The following BICRA variants were observed in gnomAD, a reference collection of about 807,000 sequenced individuals.
The protein encoded by BICRA is BRD4-interacting chromatin-remodeling complex-associated protein.
In BICRA, 31 loss-of-function variants were observed where a neutral mutation model predicts 96.9. The ratio of observed to expected loss-of-function variants is 0.32; its 90% CI spans 0.24 to 0.43. The LOEUF is 0.43. BICRA is among the 20% of genes least tolerant of loss of function. The probability of loss-of-function intolerance (pLI) is 1.00; values close to 1 mark genes in which losing one functional copy is unlikely to be tolerated. For synonymous variants in BICRA, 1,350 were observed against 1,071.8 expected, an observed-to-expected ratio of 1.26 and a Z score of -5.07; for missense variants, 2,283 against 2,190.3, an observed-to-expected ratio of 1.04 and a Z score of -0.84.
intron 1 of BICRA, among the ~76,000 whole-genome samples, chr19:47,612,202 C>G (rs976256072): frequency 6.6e-6 from 1 of 151,950 alleles, no homozygotes; most frequent in Non-Finnish European, 1.5e-5. Flanking sequence ...ATTGCTTGAG[C>G]CCTGGATTTT....
chr19:47,632,446 GC>G (rs1447657514), intron 1 of BICRA, among the ~76,000 whole-genome samples: 1 of 152,234 alleles, frequency 6.6e-6, no homozygotes, highest in Non-Finnish European at 1.5e-5. Flanking sequence ...TTTCAGAGAG[GC>G]CATAAAAAGG....
At chr19:47,608,570 C>A (rs998760212), upstream of BICRA, 1 of 152,166 alleles carries the variant, frequency 6.6e-6, no homozygotes, top group Non-Finnish European at 1.5e-5. Flanking sequence ...GAGCGCGGAT[C>A]CCTTCAGCTC....
chr19:47,680,650 G>A lies in BICRA; in HGVS notation c.1480G>A (p.Gly494Ser), dbSNP rs2087587754. ...QQLSALPANV[G>S]GQILAAAAPH... ...GCTCTCAGCCCTGCCGGCCAACGTG[G>A]GCGGGCAGATCCTGGCGGCCGCTGC... The change falls in exon 6 of 15, where the codon GGC becomes AGC. Residue 494 changes from glycine (G) to serine (S), a missense_variant. By Grantham distance (56) the Gly-to-Ser change is moderately conservative (BLOSUM62 0). Coordinates refer to ENST00000594866, the MANE Select transcript of BICRA (RefSeq NM_001394372.1). 1 of 1,608,674 alleles carries A rather than the reference G, an allele frequency of 6.2e-7. No homozygotes were observed. The highest frequency in any genetic ancestry group is 1.3e-5 in the African/African-American group (1 of 74,748).
chr19:47,678,641 C>T (rs375178342), intron 5 of BICRA, among the ~76,000 whole-genome samples: 4 of 152,088 alleles, frequency 2.6e-5, no homozygotes, highest in Middle Eastern at 3.4e-3. Context: ...CATAGCTCAC[C>T]GTAGCCTGGA....
intron 7 of BICRA, among the ~76,000 whole-genome samples, chr19:47,685,912 T>A (rs1973150590): frequency 6.6e-6 from 1 of 152,110 alleles, no homozygotes; most frequent in African/African-American, 2.4e-5. Flanking sequence ...TCAGACCTTT[T>A]TTTTTCCTTG....
Position 47,609,151 on chromosome 19 carries a change from G to C in BICRA, c.-125G>C, listed in dbSNP as rs908246862. ...GCCGTCTCGGAGACCCCGCGCCGAC[G>C]GCTGCTCAAACATCAGGGTGAGTTT... On this transcript the variant is annotated 5_prime_UTR_variant, in exon 1 of 15. Coordinates refer to ENST00000594866, the MANE Select transcript of BICRA (RefSeq NM_001394372.1). 1.3e-5 allele frequency: 2 copies of C among 149,732 alleles called. No homozygotes were observed. Among genetic ancestry groups the C allele is most frequent in the African/African-American group, 2.4e-5 (1 of 41,116 alleles). The allele number at this position is 149,732 out of a possible 1,614,324, so 9.3% of individuals were successfully genotyped here.
At chr19:47,683,965 T>C (rs1599854343) in intron 7 of BICRA, among the ~76,000 whole-genome samples, 1 of 152,092 alleles carries the variant, frequency 6.6e-6, no homozygotes, top group South Asian at 2.1e-4. Context: ...AGTGTGACAG[T>C]GACAAGGGCA....
intron 11 of BICRA, among the ~76,000 whole-genome samples, chr19:47,696,896 G>A (rs778712231): frequency 2.6e-5 from 4 of 151,996 alleles, no homozygotes; most frequent in Non-Finnish European, 5.9e-5. Flanking sequence ...GATGATGGGG[G>A]GGGTGTTTGG....
intron 1 of BICRA, among the ~76,000 whole-genome samples, chr19:47,627,364 A>G (rs1195616490): frequency 1.3e-5 from 2 of 152,090 alleles, no homozygotes; most frequent in African/African-American, 4.8e-5. Context: ...CTAATCAGCT[A>G]GAGAGGCCTA....
At chr19:47,672,921 C>T (rs985203502) in intron 2 of BICRA, among the ~76,000 whole-genome samples, 2 of 152,100 alleles carry the variant, frequency 1.3e-5, no homozygotes, top group African/African-American at 4.8e-5. Flanking sequence ...TCATGAGCCC[C>T]TCTCCCTTGC....
intron 5 of BICRA, among the ~76,000 whole-genome samples, chr19:47,677,568 C>T (rs1395579860): frequency 6.6e-6 from 1 of 152,288 alleles, no homozygotes. Context: ...TGGTGGCACA[C>T]GCCTGTAATC....
At chr19:47,658,006 G>A (rs1392165113) in intron 1 of BICRA, among the ~76,000 whole-genome samples, 1 of 151,904 alleles carries the variant, frequency 6.6e-6, no homozygotes, top group Non-Finnish European at 1.5e-5. Flanking sequence ...ATGCATAATG[G>A]CTGCTGCGGC....
intron 5 of BICRA, among the ~76,000 whole-genome samples, chr19:47,678,269 C>G (rs1280427853): frequency 6.6e-6 from 1 of 152,146 alleles, no homozygotes; most frequent in Non-Finnish European, 1.5e-5. Context: ...GCACGTGCCA[C>G]CACGCCTGGC....
chr19:47,679,960 G>T lies in BICRA; in HGVS notation c.790G>T (p.Ala264Ser). ...AKQVPVSGYL[A>S]SAAGPSEPVT... ...GCAGGTGCCCGTCAGCGGCTACCTG[G>T]CCTCGGCGGCTGGCCCCTCGGAGCC... Residue 264 changes from alanine (A) to serine (S), a missense_variant, in exon 6 of 15, where the codon GCC becomes TCC. By Grantham distance (99) the Ala-to-Ser change is moderately conservative. Coordinates refer to ENST00000594866, the MANE Select transcript of BICRA (RefSeq NM_001394372.1). 6.7e-7 allele frequency: 1 copy of T among 1,491,686 alleles called. No homozygotes were observed. Among genetic ancestry groups the T allele is most frequent in the Non-Finnish European group, 8.9e-7 (1 of 1,127,970 alleles). The allele number at this position is 1,491,686 out of a possible 1,614,324, so 92.4% of individuals were successfully genotyped here.
In BICRA at chr19:47,696,891, T is replaced by TG. The variant is rs527489244; in HGVS notation, c.3248+387dup. On this transcript the variant is annotated intron_variant, in intron 11 of 14. Transcript: ENST00000594866. ...GTGGACATGGCTGTTGGGAGGATGA[T>TG]GGGGGGGGTGTTTGGGGATGGATGG... 7.0e-3 allele frequency among the ~76,000 whole-genome samples: 1,003 copies of TG among 143,172 alleles called. 17 individuals are homozygous for TG. The highest frequency in any genetic ancestry group is 0.037 in the Admixed American group (540 of 14,454). The allele number at this position is 143,172 out of a possible 152,430, so 93.9% of individuals were successfully genotyped here. A position where few individuals can be genotyped will look rare whatever the true frequency, so the allele number is the denominator to read the frequency against.
chr19:47,696,579 C>A, intron 11 of BICRA, 67 bp downstream of exon 11: 1 of 1,463,262 alleles, frequency 6.8e-7, no homozygotes, highest in East Asian at 2.5e-5. Flanking sequence ...AGCATGGGGC[C>A]ACCCTCCAGA....
chr19:47,682,288 C>G (rs188687451), intron 7 of BICRA, 136 bp downstream of exon 7: 75 of 557,382 alleles, frequency 1.3e-4, no homozygotes, highest in East Asian at 9.6e-4. Context: ...TCCTTCACCC[C>G]CCAAGTGTCT....
At position 47,680,548 on chromosome 19, in the gene BICRA, A is replaced by G. The variant is rs758544729; in HGVS notation, c.1378A>G (p.Ile460Val). 2.5e-6 allele frequency: 4 copies of G among 1,578,876 alleles called. No individual in the cohort carries two copies. The South Asian group carries it at 4.6e-5, about 18-fold the overall frequency. The change falls in exon 6 of 15, where the codon ATC becomes GTC. Residue 460 changes from isoleucine to valine, a missense_variant. Coordinates refer to ENST00000594866, the MANE Select transcript of BICRA (RefSeq NM_001394372.1). ...CCTGAACCAAGGCAGCAGCATCGTC[A>G]TCCCCGCCCAGCACATGCTGCCGGG... ...HLLNQGSSIVIPAQHMLPGQN... is the reference protein window; with the variant it reads ...HLLNQGSSIVVPAQHMLPGQN...
At chr19:47,650,158 G>C (rs1599816649) in intron 1 of BICRA, among the ~76,000 whole-genome samples, 1 of 152,042 alleles carries the variant, frequency 6.6e-6, no homozygotes, top group South Asian at 2.1e-4. Flanking sequence ...TTGAGGTGGA[G>C]TCTTGCTCTG....
Sources: allele counts gnomAD v4.1 joint callset (sites outside exome capture counted in the v4.1 genomes callset), GRCh38; gene constraint gnomAD v4.1.1; transcripts MANE v1.5; gene names NCBI Gene and HGNC (gene_info 2026-07-23, HGNC 2026-07-21).